SLC27A1: variants seen among roughly 807,000 people sequenced by gnomAD.
SLC27A1 encodes the protein solute carrier family 27 member 1, also known as long-chain fatty acid transport protein 1.
In SLC27A1, 61 loss-of-function variants were observed where a neutral mutation model predicts 62.2. The ratio of observed to expected loss-of-function variants is 0.98; its 90% CI spans 0.80 to 1.21. The LOEUF (loss-of-function observed/expected upper bound fraction) is 1.21, where lower values mean the gene tolerates loss of function less well. Among genes scored for constraint, SLC27A1 ranks in the 50% most tolerant of loss-of-function variants. The pLI, the probability that SLC27A1 is intolerant of heterozygous loss-of-function variation, is 0.00. For synonymous variants in SLC27A1, 435 were observed against 408.6 expected (o/e 1.06, Z -0.78); for missense variants, 903 against 932.1 (o/e 0.97, Z 0.41).
At position 17,487,256 on chromosome 19, in the gene SLC27A1, G is replaced by A. The variant is rs1403411554; in HGVS notation, c.645G>A (p.Pro215=). The change falls in exon 3 of 12, where the codon CCG becomes CCA. Residue 215 remains proline (P), a synonymous_variant. Transcript: ENST00000252595. The stretch of plus-strand genomic sequence containing the variant: ...ACTTGGGGCCCGAGGGCATCTTGCC[G>A]GACACCCACCTCCTGGACCCGCTGC... The part of the protein sequence containing the change: ...SGDLGPEGIL[P]DTHLLDPLLK... The A allele has an allele frequency of 5.6e-6, 9 of 1,613,824 alleles. No individual in the cohort carries two copies. The East Asian group carries it at 1.3e-4, about 24-fold the overall frequency.
At chr19:17,480,176 T>G (rs2075162253) in intron 1 of SLC27A1, among the ~76,000 whole-genome samples, 1 of 150,950 alleles carries the variant, frequency 6.6e-6, no homozygotes, top group African/African-American at 2.4e-5. Flanking sequence ...TGCAGGAATG[T>G]GCCACCATAT....
chr19:17,474,987 C>T (rs2075109294), intron 1 of SLC27A1, among the ~76,000 whole-genome samples: 1 of 151,250 alleles, frequency 6.6e-6, no homozygotes, highest in South Asian at 2.1e-4. Flanking sequence ...TGGTGTGACT[C>T]CACTGCACCC....
In SLC27A1 at chr19:17,486,692, G is replaced by A; in HGVS notation, c.297G>A (p.Gly99=). Residue 99 remains glycine, a synonymous_variant, in exon 2 of 12, where the codon GGG becomes GGA. Transcript: ENST00000252595. The surrounding 1 kb of genome is among the most constrained non-coding windows in gnomAD (Gnocchi z 6.6). ...AGCGCCTGGCGCTGGTGGATGCCGG[G>A]ACCGGCGAGTGCTGGACCTTTGCGC... ...QPERLALVDA[G]TGECWTFAQL... is the part of the protein sequence containing the mutation. 1.2e-6 allele frequency: 2 copies of A among 1,611,476 alleles called. No homozygotes were observed. The highest frequency in any genetic ancestry group is 1.7e-6 in the Non-Finnish European group (2 of 1,179,622).
chr19:17,501,165 G>A, intron 10 of SLC27A1, 108 bp from the exon 11 acceptor site: 1 of 1,453,414 alleles, frequency 6.9e-7, no homozygotes, highest in Non-Finnish European at 9.3e-7. Context: ...TCCCAGGTTG[G>A]GAGAGACTGG....
upstream of SLC27A1, chr19:17,470,513 C>G (rs1403107700): frequency 2.0e-6 from 3 of 1,512,832 alleles, no homozygotes; most frequent in South Asian, 1.2e-5. Context: ...GAGCGGCCCG[C>G]GGCCTCAGCT....
In SLC27A1 at chr19:17,487,257, G is replaced by T; in HGVS notation, c.646G>T (p.Asp216Tyr). The T allele has an allele frequency of 1.2e-6, 2 of 1,613,986 alleles. No individual in the cohort carries two copies. Among genetic ancestry groups the T allele is most frequent in the Non-Finnish European group, 8.5e-7 (1 of 1,179,946 alleles). The stretch of plus-strand genomic sequence containing the variant: ...CTTGGGGCCCGAGGGCATCTTGCCG[G>T]ACACCCACCTCCTGGACCCGCTGCT... The part of the protein sequence containing the change: ...GDLGPEGILP[D>Y]THLLDPLLKE... Residue 216 changes from aspartate to tyrosine, a missense_variant, in exon 3 of 12, where the codon GAC becomes TAC. Asp to Tyr is a radical substitution (Grantham distance 160). Transcript: ENST00000252595.
rs1477454236 is a variant in SLC27A1, at chr19:17,500,867, G to C, written c.1627G>C (p.Ala543Pro). The change falls in exon 10 of 12, where the codon GCT becomes CCT. Residue 543 changes from alanine to proline, a missense_variant. Coordinates refer to ENST00000252595, the MANE Select transcript of SLC27A1 (RefSeq NM_198580.3). ...GACAGACGTGGCCGTCTATGGGGTG[G>C]CTGTTCCAGGCAAGCTGGGGTTGCA... Reference protein sequence around the residue: ...GQTDVAVYGVAVPGVEGKAGM... With the variant: ...GQTDVAVYGVPVPGVEGKAGM... 1.2e-6 allele frequency: 2 copies of C among 1,606,266 alleles called. No individual in the cohort carries two copies. Among genetic ancestry groups the C allele is most frequent in the African/African-American group, 2.7e-5 (2 of 74,566 alleles).
At chr19:17,477,138 C>T (rs1326616819) in intron 1 of SLC27A1, among the ~76,000 whole-genome samples, 1 of 151,634 alleles carries the variant, frequency 6.6e-6, no homozygotes, top group Non-Finnish European at 1.5e-5. Flanking sequence ...ATCCACCCAC[C>T]TTGGCCTACC....
In SLC27A1 at chr19:17,487,563, C is replaced by A. The variant is rs775458216; in HGVS notation, c.794+34C>A. 3.8e-6 allele frequency: 6 copies of A among 1,599,618 alleles called. No homozygotes were observed. The East Asian group carries it at 1.3e-4, about 36-fold the overall frequency. On this transcript the variant is annotated intron_variant, in intron 4 of 11. Coordinates refer to ENST00000252595, the MANE Select transcript of SLC27A1 (RefSeq NM_198580.3). Reference sequence around the variant, plus strand: ...CCCACAGGCATAATGCCCTCAGCCGCTGAGAGTGACCCAGGCTATCTTGCC... The same window carrying A: ...CCCACAGGCATAATGCCCTCAGCCGATGAGAGTGACCCAGGCTATCTTGCC...
chr19:17,476,859 A>C (rs962754160), intron 1 of SLC27A1, among the ~76,000 whole-genome samples: 7 of 150,406 alleles, frequency 4.7e-5, no homozygotes, highest in African/African-American at 1.7e-4. Flanking sequence ...GTAGGTGCTT[A>C]ATAAACACTG....
At chr19:17,483,006 G>A (rs1222863531) in intron 1 of SLC27A1, among the ~76,000 whole-genome samples, 1 of 152,166 alleles carries the variant, frequency 6.6e-6, no homozygotes, top group Non-Finnish European at 1.5e-5. Flanking sequence ...ATGAGTGAAG[G>A]AGGGAATGAA....
rs536773467 is a variant in SLC27A1 at position 17,470,657 on chromosome 19, C to G, written c.117C>G (p.Gly39=). Residue 39 remains glycine (G), a synonymous_variant, in exon 1 of 12, where the codon GGC becomes GGG. Transcript: ENST00000252595. ...AAALGVYVGS[G]GWRFLRIVCK... is the part of the protein sequence containing the mutation. ...CGCTCGGCGTGTACGTGGGCAGCGG[C>G]GGCTGGCGCTTCCTGCGCATCGTCT... The G allele has an allele frequency of 6.3e-7, 1 of 1,578,026 alleles. No individual in the cohort carries two copies. Among genetic ancestry groups the G allele is most frequent in the Admixed American group, 1.8e-5 (1 of 55,934 alleles).
At chr19:17,482,852 T>A (rs1201351267) in intron 1 of SLC27A1, among the ~76,000 whole-genome samples, 5 of 152,038 alleles carry the variant, frequency 3.3e-5, no homozygotes, top group African/African-American at 9.7e-5. Flanking sequence ...AAATGAACAT[T>A]GGTCCACCCT....
chr19:17,489,705 C>CGGAGGT (rs2075276470), intron 6 of SLC27A1: 1 of 152,874 alleles, frequency 6.5e-6, no homozygotes, highest in Non-Finnish European at 1.5e-5. Flanking sequence ...ACGCGTGAGG[C>CGGAGGT]GGAGGTGGAG....
In SLC27A1 at chr19:17,470,638, G is replaced by T. The variant is rs866410515; in HGVS notation, c.98G>T (p.Gly33Val). ...PWTWSAAAAL[G>V]VYVGSGGWRF... ...ACCTGGAGCGCGGCAGCGGCGCTCG[G>T]CGTGTACGTGGGCAGCGGCGGCTGG... is the stretch of plus-strand genomic sequence containing the variant. The change falls in exon 1 of 12, where the codon GGC (glycine) becomes GTC (valine). Residue 33 changes from glycine to valine, a missense_variant. Gly to Val is a moderately radical substitution (Grantham distance 109). Coordinates refer to ENST00000252595, the MANE Select transcript of SLC27A1 (RefSeq NM_198580.3). The T allele has an allele frequency of 6.3e-7, 1 of 1,579,836 alleles. No homozygotes were observed. Among genetic ancestry groups the T allele is most frequent in the Non-Finnish European group, 8.5e-7 (1 of 1,169,878 alleles).
In SLC27A1 at chr19:17,504,632, A is replaced by G. The variant is rs2075456539; in HGVS notation, c.*20A>G. ...CTCTGAAGCTGTTCCTCTACTGGCCACAAACTCTGGGCCTGGTGGGAGAGG... is the reference window on the plus strand; with the variant it reads ...CTCTGAAGCTGTTCCTCTACTGGCCGCAAACTCTGGGCCTGGTGGGAGAGG... On this transcript the variant is annotated 3_prime_UTR_variant, in exon 12 of 12. Coordinates refer to ENST00000252595, the MANE Select transcript of SLC27A1 (RefSeq NM_198580.3). The G allele has an allele frequency of 6.2e-7, 1 of 1,613,736 alleles. No homozygotes were observed. Among genetic ancestry groups the G allele is most frequent in the South Asian group, 1.1e-5 (1 of 91,064 alleles).
rs1599680375 is a variant in SLC27A1, at chr19:17,504,500, A to G, written c.1829A>G (p.Asp610Gly). The change falls in exon 12 of 12, where the codon GAC becomes GGC. Residue 610 changes from aspartate to glycine, a missense_variant. Physicochemically the swap from Asp to Gly is moderately conservative, Grantham distance 94. Transcript: ENST00000252595. ...QKTRLQREGF[D>G]PRQTSDRLFF... Reference sequence around the variant, plus strand: ...ACGAGGCTGCAGCGAGAGGGCTTTGACCCACGCCAGACCTCAGACCGGCTC... The same window carrying G: ...ACGAGGCTGCAGCGAGAGGGCTTTGGCCCACGCCAGACCTCAGACCGGCTC... 1.2e-6 allele frequency: 2 copies of G among 1,614,098 alleles called. No individual in the cohort carries two copies. The highest frequency in any genetic ancestry group is 1.7e-6 in the Non-Finnish European group (2 of 1,180,016).
At position 17,501,392 on chromosome 19, in the gene SLC27A1, C is replaced by T. The variant is rs766035538; in HGVS notation, c.1756C>T (p.Arg586Cys). ...LAPYARPIFLRLLPQVDTTGT... is the reference protein window; with the variant it reads ...LAPYARPIFLCLLPQVDTTGT... ...ACCCTATGCCCGGCCCATCTTCCTG[C>T]GCCTCCTGCCCCAGGTGGACACCAC... Residue 586 changes from arginine (R) to cysteine (C), a missense_variant, in exon 11 of 12, where the codon CGC becomes TGC. Coordinates refer to ENST00000252595, the MANE Select transcript of SLC27A1 (RefSeq NM_198580.3). 5.0e-6 allele frequency: 8 copies of T among 1,613,642 alleles called. No individual in the cohort carries two copies. The highest frequency in any genetic ancestry group is 1.7e-5 in the Admixed American group (1 of 60,006).
At chr19:17,482,837 G>C (rs527809472) in intron 1 of SLC27A1, among the ~76,000 whole-genome samples, 2 of 152,192 alleles carry the variant, frequency 1.3e-5, no homozygotes, top group South Asian at 4.1e-4. Context: ...GGACCCAGGG[G>C]CATGAAATGA....
Sources: gnomAD v4.1 joint callset for allele counts (sites outside exome capture counted in the v4.1 genomes callset) on GRCh38, gnomAD v4.1.1 for gene constraint, Gnocchi (gnomAD v3.1) non-coding constraint, MANE v1.5 for transcripts, NCBI Gene and HGNC (gene_info 2026-07-23, HGNC 2026-07-21) for gene names.